Variants in CACNA2D3 observed in about 807,000 individuals in gnomAD.
CACNA2D3 encodes voltage-dependent calcium channel subunit alpha-2/delta-3.
Under a neutral mutation model 160.6 loss-of-function variants are expected in CACNA2D3, and 60 were observed. The ratio of observed to expected loss-of-function variants is 0.37; its 90% CI spans 0.30 to 0.46. CACNA2D3 has a LOEUF of 0.46. Ranked by LOEUF, CACNA2D3 falls within the 20% of genes least tolerant of loss-of-function variation. The probability of loss-of-function intolerance (pLI) is 1.00; values close to 1 mark genes in which losing one functional copy is unlikely to be tolerated. For synonymous variants in CACNA2D3, 558 were observed against 492.9 expected, an observed-to-expected ratio of 1.13 and a Z score of -1.75; for missense variants, 1,205 against 1,365.0, an observed-to-expected ratio of 0.88 and a Z score of 1.85.
intron 11 of CACNA2D3, among the ~76,000 whole-genome samples, chr3:54,708,717 A>G (rs754974599): frequency 1.3e-5 from 2 of 152,216 alleles, no homozygotes; most frequent in African/African-American, 2.4e-5. Context: ...CTCAAATCCT[A>G]GGCGGCTCCA....
chr3:54,892,176 C>A (rs1305220175), intron 25 of CACNA2D3, among the ~76,000 whole-genome samples: 1 of 152,174 alleles, frequency 6.6e-6, no homozygotes, highest in Non-Finnish European at 1.5e-5. Context: ...TTCTCTGAAG[C>A]AAGAGCGATT....
chr3:54,255,708 T>TTATTGTTCTCCCCATA (rs1702278713), intron 2 of CACNA2D3, among the ~76,000 whole-genome samples: 1 of 152,254 alleles, frequency 6.6e-6, no homozygotes, highest in Non-Finnish European at 1.5e-5. Context: ...CCACCCTACT[T>TTATTGTTCTCCCCATA]TATTGTTCTC....
chr3:55,020,348 CATG>C (rs531793445), intron 35 of CACNA2D3, among the ~76,000 whole-genome samples: 138 of 148,078 alleles, frequency 9.3e-4, no homozygotes, highest in African/African-American at 3.2e-3. Flanking sequence ...TGTATTATTT[CATG>C]ATATCTATAA....
At chr3:54,912,878 A>C (rs1334049519) in intron 27 of CACNA2D3, among the ~76,000 whole-genome samples, 1 of 152,104 alleles carries the variant, frequency 6.6e-6, no homozygotes. Context: ...TAATGAATGA[A>C]GACAGTGGGG....
At chr3:54,283,563 C>T (rs918888990) in intron 2 of CACNA2D3, among the ~76,000 whole-genome samples, 2 of 152,202 alleles carry the variant, frequency 1.3e-5, no homozygotes, top group African/African-American at 4.8e-5. Context: ...GAGGCTTACT[C>T]TGTGTTTCTG....
At chr3:54,496,107 G>A (rs190832547) in intron 4 of CACNA2D3, among the ~76,000 whole-genome samples, 24 of 152,266 alleles carry the variant, frequency 1.6e-4, no homozygotes, top group Admixed American at 1.4e-3. Flanking sequence ...TGGGGTTTCC[G>A]TGAATATTCA....
chr3:54,311,776 G>C (rs575765481), intron 2 of CACNA2D3, among the ~76,000 whole-genome samples: 14 of 152,122 alleles, frequency 9.2e-5, no homozygotes, highest in Non-Finnish European at 1.6e-4. Context: ...CCCCATCTCC[G>C]TGCAGCTTGG....
chr3:54,296,606 T>A (rs1440110431), intron 2 of CACNA2D3, among the ~76,000 whole-genome samples: 1 of 152,190 alleles, frequency 6.6e-6, no homozygotes, highest in Non-Finnish European at 1.5e-5. Flanking sequence ...TAACGGGATG[T>A]GTACACGATA....
Position 54,502,029 on chromosome 3 carries a change from C to T in CACNA2D3, c.382-1463C>T, listed in dbSNP as rs76739150. Among the ~76,000 whole-genome samples the T allele has an allele frequency of 8.5e-3, 1,296 of 152,244 alleles. 19 individuals carry two copies. Among genetic ancestry groups the T allele is most frequent in the African/African-American group, 0.03 (1,233 of 41,544 alleles). ...TCCCTGTTCCCCTACAGGTAAGATTCTCCCACCCTCTTTCTGGTTTCTTTC... is the reference window on the plus strand; with the variant it reads ...TCCCTGTTCCCCTACAGGTAAGATTTTCCCACCCTCTTTCTGGTTTCTTTC... On this transcript the variant is annotated intron_variant, in intron 4 of 37. Coordinates refer to ENST00000474759, the MANE Select transcript of CACNA2D3 (RefSeq NM_018398.3).
chr3:54,914,687 G>A (rs1559626959), intron 27 of CACNA2D3, among the ~76,000 whole-genome samples: 1 of 152,202 alleles, frequency 6.6e-6, no homozygotes, highest in African/African-American at 2.4e-5. Flanking sequence ...AGACTGCATT[G>A]CAATTTGAGT....
At chr3:54,562,966 T>C in intron 6 of CACNA2D3, 35 bp downstream of exon 6, 2 of 1,596,762 alleles carry the variant, frequency 1.3e-6, no homozygotes, top group Non-Finnish European at 1.7e-6. Flanking sequence ...ATGACTCAGA[T>C]TAATGATAAC....
chr3:54,274,259 G>A (rs891196217), intron 2 of CACNA2D3, among the ~76,000 whole-genome samples: 1 of 151,372 alleles, frequency 6.6e-6, no homozygotes, highest in Non-Finnish European at 1.5e-5. Flanking sequence ...AAAGTAGAAA[G>A]CAAAACCCCA....
At chr3:54,551,744 T>G (rs1013946591) in intron 5 of CACNA2D3, among the ~76,000 whole-genome samples, 1 of 152,216 alleles carries the variant, frequency 6.6e-6, no homozygotes, top group African/African-American at 2.4e-5. Context: ...GCAAAATGCT[T>G]GAGTTCCAAA....
At chr3:54,787,411 A>C (rs1702662449) in intron 13 of CACNA2D3, among the ~76,000 whole-genome samples, 1 of 152,202 alleles carries the variant, frequency 6.6e-6, no homozygotes, top group African/African-American at 2.4e-5. Context: ...AGCACAATTG[A>C]TTTCTTCACA....
At chr3:54,742,129 A>G (rs1366021801) in intron 11 of CACNA2D3, among the ~76,000 whole-genome samples, 1 of 152,134 alleles carries the variant, frequency 6.6e-6, no homozygotes, top group African/African-American at 2.4e-5. Context: ...GACTTCAAAT[A>G]GTGCTGGGGC....
chr3:54,798,060 A>C (rs1341059035), intron 13 of CACNA2D3, among the ~76,000 whole-genome samples: 2 of 152,200 alleles, frequency 1.3e-5, no homozygotes, highest in Non-Finnish European at 2.9e-5. Context: ...GACACTTAAA[A>C]TATTACTCAC....
chr3:54,689,037 A>G (rs1245707533), intron 11 of CACNA2D3, among the ~76,000 whole-genome samples: 1 of 149,770 alleles, frequency 6.7e-6, no homozygotes, highest in African/African-American at 2.5e-5. Context: ...CATAAAGCAC[A>G]TGACGTGGTT....
intron 13 of CACNA2D3, among the ~76,000 whole-genome samples, chr3:54,811,136 A>ATATT (rs1266088346): frequency 6.6e-6 from 1 of 152,174 alleles, no homozygotes; most frequent in Non-Finnish European, 1.5e-5. Flanking sequence ...CATGAGCTTC[A>ATATT]TATTTCCAGC....
intron 2 of CACNA2D3, among the ~76,000 whole-genome samples, chr3:54,149,932 C>CTCTCTCTCT (rs1559863353): frequency 4.2e-5 from 1 of 23,838 alleles, no homozygotes; most frequent in Non-Finnish European, 8.2e-5. Context: ...TCTCTCTCTC[C>CTCTCTCTCT]CTCCCTCCCT....
Sources: gnomAD v4.1 joint callset for allele counts (sites outside exome capture counted in the v4.1 genomes callset) on GRCh38, gnomAD v4.1.1 for gene constraint, MANE v1.5 for transcripts, NCBI Gene and HGNC (gene_info 2026-07-23, HGNC 2026-07-21) for gene names.